Variants in HIRA observed in about 807,000 individuals in gnomAD.
HIRA encodes histone cell cycle regulator.
A neutral mutation model predicts 126.6 loss-of-function variants in HIRA; 13 were observed. That is an observed-to-expected ratio of 0.10 (90% CI 0.07 to 0.16). The LOEUF is 0.16. Among genes scored for constraint, HIRA ranks in the 10% least tolerant of loss-of-function variants. The probability of loss-of-function intolerance (pLI) is 1.00; values close to 1 mark genes in which losing one functional copy is unlikely to be tolerated. For missense variants in HIRA, 834 were observed against 1,314.4 expected (o/e 0.63, Z 5.65); for synonymous variants, 511 against 520.0 (o/e 0.98, Z 0.24).
intron 24 of HIRA, among the ~76,000 whole-genome samples, chr22:19,333,008 A>G (rs1194723607): frequency 6.6e-6 from 1 of 152,170 alleles, no homozygotes; most frequent in Non-Finnish European, 1.5e-5. Context: ...TCCCAGGCTC[A>G]AGTGATCCTC....
In HIRA at chr22:19,337,861, G is replaced by A. The variant is rs182959789; in HGVS notation, c.2938-6305C>T. On this transcript the variant is annotated intron_variant, in intron 24 of 24. Coordinates refer to ENST00000263208, the MANE Select transcript of HIRA (RefSeq NM_003325.4). ...GGCTGGAGTGCAGTGGTGCAATCTT[G>A]GCTCACTGCAATCTCTGCCGCCCTG... Among the ~76,000 whole-genome samples, 11 of 151,956 alleles carry A rather than the reference G, an allele frequency of 7.2e-5. No homozygotes were observed. In the East Asian group the frequency reaches 1.9e-3, roughly 27 times the overall value.
chr22:19,353,651 G>T, intron 22 of HIRA, 132 bp from the exon 23 acceptor site: 1 of 907,854 alleles, frequency 1.1e-6, no homozygotes, highest in Non-Finnish European at 1.6e-6. Flanking sequence ...CCGTCCACTA[G>T]CCAGTCTGTT....
chr22:19,355,120 T>G (rs2088798789), intron 21 of HIRA, among the ~76,000 whole-genome samples: 1 of 152,076 alleles, frequency 6.6e-6, no homozygotes. Context: ...TGTAGACTTC[T>G]GCATGGCAGT....
chr22:19,342,890 T>C (rs1457609129), intron 24 of HIRA, among the ~76,000 whole-genome samples: 2 of 152,190 alleles, frequency 1.3e-5, no homozygotes, highest in African/African-American at 4.8e-5. Flanking sequence ...ATGTGGTATA[T>C]ATACACCATG....
chr22:19,385,326 T>C (rs1372819142), intron 12 of HIRA, among the ~76,000 whole-genome samples, 195 bp downstream of exon 12: 2 of 152,198 alleles, frequency 1.3e-5, no homozygotes, highest in African/African-American at 4.8e-5. Flanking sequence ...TAAGGAGGCC[T>C]TTGATAAAGA....
In HIRA at chr22:19,378,009, G is replaced by C. The variant is rs1282691297; in HGVS notation, c.1473C>G (p.Thr491=). The change falls in exon 14 of 25, where the codon ACC becomes ACG. Residue 491 remains threonine, a synonymous_variant. Transcript: ENST00000263208. ...SIPLSGSLAG[T]MLSSHSSPQL... ...GTGGACTGCTATGAGAAGAGAGCAT[G>C]GTGCCCGCCAGGGAGCCCGAGAGGG... The C allele has an allele frequency of 1.2e-6, 2 of 1,609,258 alleles. No homozygotes were observed. Among genetic ancestry groups the C allele is most frequent in the Non-Finnish European group, 1.7e-6 (2 of 1,177,792 alleles).
chr22:19,348,077 A>T (rs2088708039), intron 24 of HIRA, among the ~76,000 whole-genome samples: 2 of 152,204 alleles, frequency 1.3e-5, no homozygotes, highest in African/African-American at 4.8e-5. Flanking sequence ...ACTGGAAGTA[A>T]ACTAGCCTCT....
intron 24 of HIRA, among the ~76,000 whole-genome samples, chr22:19,346,637 T>C (rs1335321830): frequency 6.6e-6 from 1 of 152,178 alleles, no homozygotes; most frequent in Admixed American, 6.5e-5. Flanking sequence ...GGTGCCCAAG[T>C]GATTTAATGG....
At chr22:19,382,603 T>C (rs2089084218) in intron 13 of HIRA, among the ~76,000 whole-genome samples, 1 of 152,120 alleles carries the variant, frequency 6.6e-6, no homozygotes, top group Admixed American at 6.5e-5. Context: ...AGATTTGGAA[T>C]AGCTCGTGGA....
At chr22:19,339,079 G>T (rs1278043376) in intron 24 of HIRA, among the ~76,000 whole-genome samples, 1 of 152,008 alleles carries the variant, frequency 6.6e-6, no homozygotes, top group Non-Finnish European at 1.5e-5. Flanking sequence ...ATAAACTTAA[G>T]AAAATCGAAA....
At chr22:19,387,940 TTC>T (rs2089141604) in intron 10 of HIRA, 124 bp from the exon 11 acceptor site, 1 of 135,378 alleles carries the variant, frequency 7.4e-6, no homozygotes, top group South Asian at 1.2e-4. Context: ...CCTGGTTCCC[TTC>T]TGTGGCCTGG....
intron 14 of HIRA, among the ~76,000 whole-genome samples, chr22:19,376,018 T>C (rs978568415): frequency 6.6e-6 from 1 of 152,186 alleles, no homozygotes; most frequent in African/African-American, 2.4e-5. Flanking sequence ...ATTTCCCCCT[T>C]TGCACTGTTC....
At chr22:19,390,642 C>T (rs950896374) in intron 9 of HIRA, among the ~76,000 whole-genome samples, 5 of 125,578 alleles carry the variant, frequency 4.0e-5, no homozygotes, top group Admixed American at 1.7e-4. Flanking sequence ...CTGAAGACAT[C>T]GCCTCATCTC....
Position 19,359,436 on chromosome 22 carries a change from C to T in HIRA, c.2134G>A (p.Val712Met). ...MYIEVENEVT[V>M]VGGVKLSRLK... ...CGGCTCAGCTTCACGCCCCCCACCA[C>T]TGTCACTTCATTCTCCACCTCAATG... is the stretch of plus-strand genomic sequence containing the variant. Residue 712 changes from valine (V) to methionine (M), a missense_variant, in exon 18 of 25, where the codon GTG (valine) becomes ATG (methionine). This residue lies in a region of HIRA where 468 missense variants were observed against 574.2 expected (regional missense o/e 0.82). Coordinates refer to ENST00000263208, the MANE Select transcript of HIRA (RefSeq NM_003325.4). The T allele has an allele frequency of 6.2e-7, 1 of 1,610,118 alleles. No homozygotes were observed. The highest frequency in any genetic ancestry group is 8.5e-7 in the Non-Finnish European group (1 of 1,178,364).
At chr22:19,405,430 C>A (rs1028390726) in intron 5 of HIRA, 16 of 946,202 alleles carry the variant, frequency 1.7e-5, no homozygotes, top group Non-Finnish European at 2.0e-5. Flanking sequence ...CATCTGTGAG[C>A]TGATTTCTGG....
intron 15 of HIRA, among the ~76,000 whole-genome samples, chr22:19,372,348 G>A (rs1055174082): frequency 8.5e-5 from 13 of 152,112 alleles, no homozygotes; most frequent in Admixed American, 7.2e-4. Flanking sequence ...GATGTTGATT[G>A]AATTTTTATG....
chr22:19,416,683 A>G (rs2089401652), intron 1 of HIRA, among the ~76,000 whole-genome samples: 1 of 152,222 alleles, frequency 6.6e-6, no homozygotes, highest in South Asian at 2.1e-4. Context: ...AAAGGCACAG[A>G]CAATAAAAGA....
chr22:19,351,979 G>C lies in HIRA; in HGVS notation c.2849-533C>G, dbSNP rs1197278357. Among the ~76,000 whole-genome samples the C allele has an allele frequency of 2.0e-5, 3 of 152,098 alleles. No homozygotes were observed. The highest frequency in any genetic ancestry group is 7.2e-5 in the African/African-American group (3 of 41,426). ...GGCTGCTAGAAAGGCTGGAGGTAGA[G>C]TGTCGGGGTTTGTCAGCACTTGGGG... On this transcript the variant is annotated intron_variant, in intron 23 of 24. Transcript: ENST00000263208. The surrounding 1 kb of genome is among the most constrained non-coding windows in gnomAD (Gnocchi z 4.8).
intron 17 of HIRA, among the ~76,000 whole-genome samples, chr22:19,361,028 A>G (rs2088858531): frequency 6.6e-6 from 1 of 152,266 alleles, no homozygotes; most frequent in South Asian, 2.1e-4. Context: ...GCAAAGCCAG[A>G]CAGAGGCTAT....
Sources: allele counts gnomAD v4.1 joint callset (sites outside exome capture counted in the v4.1 genomes callset), GRCh38; gene constraint gnomAD v4.1.1; regional missense constraint gnomAD v4.1.1; non-coding constraint Gnocchi (gnomAD v3.1); transcripts MANE v1.5; gene names NCBI Gene and HGNC (gene_info 2026-07-23, HGNC 2026-07-21).